KYNU: variants seen among roughly 807,000 people sequenced by gnomAD.
KYNU encodes the protein L-kynurenine hydrolase.
A neutral mutation model predicts 59.2 loss-of-function variants in KYNU; 54 were observed. That is an observed-to-expected ratio of 0.91 (90% confidence interval 0.73 to 1.14). The LOEUF (loss-of-function observed/expected upper bound fraction) is 1.14, where lower values mean the gene tolerates loss of function less well. KYNU is among the 50% of genes most tolerant of loss of function. The probability of loss-of-function intolerance (pLI) is 0.00; values close to 1 mark genes in which losing one functional copy is unlikely to be tolerated. For missense variants in KYNU, 567 were observed against 554.4 expected (o/e 1.02, Z -0.23); for synonymous variants, 177 against 192.0 (o/e 0.92, Z 0.65).
At chr2:142,969,024 G>T (rs1052512134) in intron 8 of KYNU, among the ~76,000 whole-genome samples, 1 of 152,186 alleles carries the variant, frequency 6.6e-6, no homozygotes, top group Admixed American at 6.5e-5. Context: ...TATCTCAGGG[G>T]AAATCATTTT....
At chr2:142,963,951 G>A (rs1684438638) in intron 8 of KYNU, among the ~76,000 whole-genome samples, 1 of 152,084 alleles carries the variant, frequency 6.6e-6, no homozygotes, top group Non-Finnish European at 1.5e-5. Context: ...TTTATTCTTT[G>A]AGCATTCTGT....
intron 10 of KYNU, among the ~76,000 whole-genome samples, chr2:143,019,094 A>T (rs1194734549): frequency 6.6e-6 from 1 of 151,992 alleles, no homozygotes; most frequent in African/African-American, 2.4e-5. Flanking sequence ...AGATAATTTA[A>T]CTTCTTCTTT....
intron 10 of KYNU, among the ~76,000 whole-genome samples, chr2:142,995,900 T>G (rs757034539): frequency 6.6e-6 from 1 of 152,146 alleles, no homozygotes; most frequent in Non-Finnish European, 1.5e-5. Context: ...TCTACTGTTT[T>G]GTCTGATTGT....
rs1189391093 is a variant in KYNU at position 142,960,760 on chromosome 2, G to T, written c.719G>T (p.Gly240Val). The T allele has an allele frequency of 1.2e-6, 2 of 1,613,884 alleles. No individual in the cohort carries two copies. The highest frequency in any genetic ancestry group is 1.7e-6 in the Non-Finnish European group (2 of 1,179,966). ...AATATTCCTGCCATCACAAAAGCTG[G>T]ACAAGCGAAGGTATGCACGCCATTT... ...HFNIPAITKA[G>V]QAKGCYVGFD... Residue 240 changes from glycine (G) to valine (V), a missense_variant, in exon 8 of 14, where the codon GGA becomes GTA. Gly to Val is a moderately radical substitution (Grantham distance 109, BLOSUM62 -3). Coordinates refer to ENST00000264170, the MANE Select transcript of KYNU (RefSeq NM_003937.3).
intron 12 of KYNU, among the ~76,000 whole-genome samples, chr2:143,039,393 G>T (rs1686973035): frequency 6.6e-6 from 1 of 152,118 alleles, no homozygotes. Context: ...TTACATCAAA[G>T]TTGGAAAAGT....
At chr2:142,991,167 A>G (rs1685387878) in intron 10 of KYNU, among the ~76,000 whole-genome samples, 1 of 151,946 alleles carries the variant, frequency 6.6e-6, no homozygotes, top group South Asian at 2.1e-4. Flanking sequence ...GTTCAGGGGA[A>G]CACTGACTTA....
At position 142,923,204 on chromosome 2, in the gene KYNU, C is replaced by T. The variant is rs182810931; in HGVS notation, c.291-4455C>T. ...AGAACCAAATGATTTCTAAAACTTA[C>T]ACTTATTTAAGGAAAACTGTGAAAA... On this transcript the variant is annotated intron_variant, in intron 3 of 13. Transcript: ENST00000264170. Among the ~76,000 whole-genome samples the T allele has an allele frequency of 1.3e-3, 194 of 152,304 alleles. 1 individual carries two copies. Among genetic ancestry groups the T allele is most frequent in the African/African-American group, 4.3e-3 (177 of 41,572 alleles).
chr2:142,944,495 G>A (rs952140936), intron 4 of KYNU, among the ~76,000 whole-genome samples: 6 of 152,190 alleles, frequency 3.9e-5, no homozygotes, highest in African/African-American at 1.4e-4. Context: ...ATTGCAGTGA[G>A]TCATAGATGA....
chr2:142,947,412 A>G (rs1472982659), intron 4 of KYNU: 1 of 600,144 alleles, frequency 1.7e-6, no homozygotes, highest in East Asian at 3.0e-5. Flanking sequence ...ATAAAAGCTA[A>G]TGTCCCAAAC....
At chr2:142,953,011 G>C (rs1040728325) in intron 4 of KYNU, among the ~76,000 whole-genome samples, 1 of 152,000 alleles carries the variant, frequency 6.6e-6, no homozygotes, top group African/African-American at 2.4e-5. Flanking sequence ...GATAGTGTTT[G>C]TTTTAGAAAT....
intron 6 of KYNU, among the ~76,000 whole-genome samples, chr2:142,957,050 G>A (rs1452884566): frequency 6.6e-6 from 1 of 152,048 alleles, no homozygotes; most frequent in Non-Finnish European, 1.5e-5. Flanking sequence ...TGGTGTTAGA[G>A]AAACTTTATT....
At chr2:143,018,486 A>G (rs1054906048) in intron 10 of KYNU, among the ~76,000 whole-genome samples, 5 of 152,116 alleles carry the variant, frequency 3.3e-5, no homozygotes, top group Non-Finnish European at 7.4e-5. Flanking sequence ...GTCCTGTCCT[A>G]TTGGTCTATG....
intron 10 of KYNU, among the ~76,000 whole-genome samples, chr2:142,992,273 A>T (rs1327236069): frequency 6.6e-6 from 1 of 151,808 alleles, no homozygotes; most frequent in Admixed American, 6.6e-5. Flanking sequence ...TTCAAGATAA[A>T]TGATAAATGC....
At chr2:142,938,217 G>A (rs1683461173) in intron 4 of KYNU, among the ~76,000 whole-genome samples, 1 of 152,006 alleles carries the variant, frequency 6.6e-6, no homozygotes, top group African/African-American at 2.4e-5. Flanking sequence ...TGGTCTGTGG[G>A]GTCCTAGTGC....
At chr2:143,004,988 T>G (rs192667003) in intron 10 of KYNU, among the ~76,000 whole-genome samples, 37 of 152,292 alleles carry the variant, frequency 2.4e-4, no homozygotes, top group African/African-American at 7.9e-4. Flanking sequence ...ATAAATTGTG[T>G]TTTCTCTAAA....
At chr2:142,987,661 C>G (rs1038939841) in intron 10 of KYNU, among the ~76,000 whole-genome samples, 1 of 151,678 alleles carries the variant, frequency 6.6e-6, no homozygotes, top group Non-Finnish European at 1.5e-5. Context: ...AGTACCAGCC[C>G]CTACTCATAA....
intron 8 of KYNU, chr2:142,971,280 A>G (rs1425978771): frequency 1.3e-5 from 2 of 150,838 alleles, no homozygotes; most frequent in Non-Finnish European, 2.9e-5. Context: ...ATCGCTGGTG[A>G]ATATATCTAT....
chr2:143,009,863 C>A (rs1461396428), intron 10 of KYNU, among the ~76,000 whole-genome samples: 2 of 120,222 alleles, frequency 1.7e-5, no homozygotes, highest in African/African-American at 3.8e-5. Flanking sequence ...TTCAACAACC[C>A]TTCATGCTAA....
rs1687200043 is a variant in KYNU at position 143,048,207 on chromosome 2, G to A, written c.*6035G>A. The A allele has an allele frequency of 6.6e-6, 1 of 152,098 alleles. No individual in the cohort carries two copies. Among genetic ancestry groups the A allele is most frequent in the Admixed American group, 6.6e-5 (1 of 15,252 alleles). The allele number at this position is 152,098 out of a possible 1,614,324, so 9.4% of individuals were successfully genotyped here. ...TTTCTTCTTTTGGATTTAGGGATGTGTGTGTGGAGGTGTATTGAGTCCGTT... is the reference window on the plus strand; with the variant it reads ...TTTCTTCTTTTGGATTTAGGGATGTATGTGTGGAGGTGTATTGAGTCCGTT... On this transcript the variant is annotated 3_prime_UTR_variant, in exon 14 of 14. Coordinates refer to ENST00000264170, the MANE Select transcript of KYNU (RefSeq NM_003937.3).
Sources: allele counts gnomAD v4.1 joint callset (sites outside exome capture counted in the v4.1 genomes callset), GRCh38; gene constraint gnomAD v4.1.1; transcripts MANE v1.5; gene names NCBI Gene and HGNC (gene_info 2026-07-23, HGNC 2026-07-21).